Variants in TNRC6C observed in about 807,000 individuals in gnomAD.
The protein encoded by TNRC6C is trinucleotide repeat-containing gene 6C protein.
Under a neutral mutation model 153.7 loss-of-function variants are expected in TNRC6C, and 20 were observed. The observed-to-expected ratio is 0.13, with a 90% CI of 0.09 to 0.19. The LOEUF is 0.19. Ranked by LOEUF, TNRC6C falls within the 10% of genes least tolerant of loss-of-function variation. TNRC6C has a pLI of 1.00. For synonymous variants in TNRC6C, 811 were observed against 841.4 expected (o/e 0.96, Z 0.63); for missense variants, 1,987 against 2,172.0 (o/e 0.91, Z 1.69).
chr17:78,037,531 G>A (rs529853454), intron 2 of TNRC6C, among the ~76,000 whole-genome samples: 1 of 152,336 alleles, frequency 6.6e-6, no homozygotes, highest in Admixed American at 6.5e-5. Flanking sequence ...TATGAGCTGA[G>A]TTTCAAGTTA....
intron 1 of TNRC6C, among the ~76,000 whole-genome samples, chr17:77,959,766 T>C (rs762478053): frequency 9.9e-5 from 15 of 152,244 alleles, no homozygotes; most frequent in African/African-American, 2.4e-4. Context: ...CTAACGGTGC[T>C]GCGGACTGCG....
chr17:77,975,016 G>T (rs1305594907), intron 1 of TNRC6C, among the ~76,000 whole-genome samples: 1 of 151,550 alleles, frequency 6.6e-6, no homozygotes, highest in Non-Finnish European at 1.5e-5. Context: ...ATCAAAGAAA[G>T]AAATAAGCCA....
At chr17:78,067,298 A>C (rs1473683644) in intron 4 of TNRC6C, among the ~76,000 whole-genome samples, 1 of 152,188 alleles carries the variant, frequency 6.6e-6, no homozygotes, top group Non-Finnish European at 1.5e-5. Flanking sequence ...GTGAGCTGTG[A>C]TTGCACTACT....
At chr17:78,057,081 CAAAT>C (rs1010126381) in intron 3 of TNRC6C, among the ~76,000 whole-genome samples, 4 of 152,110 alleles carry the variant, frequency 2.6e-5, no homozygotes, top group Non-Finnish European at 4.4e-5. Flanking sequence ...TTAAAAGAGA[CAAAT>C]AAAAAGTTAC....
At chr17:78,063,588 C>A (rs1223990729) in intron 3 of TNRC6C, among the ~76,000 whole-genome samples, 1 of 152,072 alleles carries the variant, frequency 6.6e-6, no homozygotes, top group Non-Finnish European at 1.5e-5. Context: ...TGAAAGGGTT[C>A]CTGAAAAACC....
At chr17:78,061,713 T>C (rs940796965) in intron 3 of TNRC6C, among the ~76,000 whole-genome samples, 9 of 152,202 alleles carry the variant, frequency 5.9e-5, no homozygotes, top group African/African-American at 2.2e-4. Flanking sequence ...AATGGAAATA[T>C]TTGGTTTTTT....
At chr17:78,087,130 A>G (rs770331662) in intron 13 of TNRC6C, 37 bp downstream of exon 15, 3 of 1,604,920 alleles carry the variant, frequency 1.9e-6, no homozygotes, top group East Asian at 2.2e-5. Context: ...CACATCAGGT[A>G]GAGAGGGTAC....
chr17:77,977,535 A>G (rs2071018108), intron 1 of TNRC6C, among the ~76,000 whole-genome samples: 1 of 152,232 alleles, frequency 6.6e-6, no homozygotes, highest in African/African-American at 2.4e-5. Flanking sequence ...ACCAGCATTT[A>G]TTAAGCCCTA....
exon 3 of TNRC6C, chr17:78,050,353 C>T (rs867124430): frequency 2.5e-6 from 4 of 1,611,192 alleles, no homozygotes; most frequent in South Asian, 2.2e-5. Flanking sequence ...AGACCAAGGG[C>T]ACATCCAGTT....
chr17:78,013,453 AAACT>A (rs2071671846), intron 1 of TNRC6C, among the ~76,000 whole-genome samples: 1 of 152,208 alleles, frequency 6.6e-6, no homozygotes, highest in African/African-American at 2.4e-5. Flanking sequence ...CAGAACTTAG[AAACT>A]AACTGAGCTA....
rs571421625 is a variant in TNRC6C, at chr17:77,984,869, TAGTA to T, written c.-37-19296_-37-19293del. On this transcript the variant is annotated intron_variant, in intron 1 of 22. Coordinates refer to the TNRC6C transcript ENST00000636222. Reference sequence around the variant, plus strand: ...ACACTCTTTTAGCTTGGAGCTATTATAGTAAGTATCTACTTTCTGCATTTGCTCT... The same window carrying T: ...ACACTCTTTTAGCTTGGAGCTATTATAGTATCTACTTTCTGCATTTGCTCT... 3.3e-3 allele frequency among the ~76,000 whole-genome samples: 500 copies of T among 152,336 alleles called. 1 individual carries two copies. The highest frequency in any genetic ancestry group is 0.01 in the Middle Eastern group (3 of 294).
intron 2 of TNRC6C, among the ~76,000 whole-genome samples, chr17:78,037,447 A>G (rs111712070): frequency 0.022 from 3,380 of 152,328 alleles, 131 homozygotes; most frequent in African/African-American, 0.077. Flanking sequence ...ATAAGCATAG[A>G]GTGCCACATG....
At chr17:78,100,325 C>T (rs1218254671) in intron 17 of TNRC6C, among the ~76,000 whole-genome samples, 1 of 152,232 alleles carries the variant, frequency 6.6e-6, no homozygotes, top group Non-Finnish European at 1.5e-5. Flanking sequence ...AGCCCTGCCC[C>T]ACAGCAAAGT....
chr17:78,073,057 C>T, exon 7 of TNRC6C: 2 of 1,556,644 alleles, frequency 1.3e-6, no homozygotes, highest in Non-Finnish European at 1.7e-6. Flanking sequence ...CTGAGGAGGC[C>T]TTGAAGAGTA....
intron 1 of TNRC6C, among the ~76,000 whole-genome samples, chr17:78,006,549 CTT>C (rs1195452650): frequency 2.7e-4 from 26 of 95,094 alleles, no homozygotes; most frequent in Middle Eastern, 5.2e-3. Context: ...TCTTCTTCTT[CTT>C]CTTCTTCTTC....
In TNRC6C at chr17:77,980,576, C is replaced by CGTA. The variant is rs199901490; in HGVS notation, c.-38+21308_-38+21309insGTA. On this transcript the variant is annotated intron_variant, in intron 1 of 22. Transcript: ENST00000636222. ...TTCTGCTGTGGATATCAGGTGGGTA[C>CGTA]CCTCCAATTCCATTTCAACATTATC... Among the ~76,000 whole-genome samples the CGTA allele has an allele frequency of 3.5e-4, 53 of 152,260 alleles. No homozygotes were observed. In the East Asian group the frequency reaches 0.01, roughly 29 times the overall value.
chr17:77,990,126 C>T lies in TNRC6C; in HGVS notation c.-37-14044C>T, dbSNP rs1385155863. On this transcript the variant is annotated intron_variant, in intron 1 of 22. Coordinates refer to the TNRC6C transcript ENST00000636222. ...TCTTGACACCTCCCTCTCCCTTATA[C>T]CCATATCCAATTCATCACCCACTTC... is the stretch of plus-strand genomic sequence containing the variant. Among the ~76,000 whole-genome samples, 3 of 152,262 alleles carry T rather than the reference C, an allele frequency of 2.0e-5. No individual in the cohort carries two copies. The South Asian group carries it at 6.2e-4, about 32-fold the overall frequency.
At chr17:78,008,616 A>ATCTCGGCT in intron 1 of TNRC6C, 1 of 152,132 alleles carries the variant, frequency 6.6e-6, no homozygotes, top group Admixed American at 6.6e-5. Context: ...AGTGGGGTTG[A>ATCTCGGCT]CATCCTGCAC....
chr17:78,075,032 G>T lies in TNRC6C; in HGVS notation c.2918-104G>T. 7.2e-7 allele frequency: 1 copy of T among 1,390,102 alleles called. No individual in the cohort carries two copies. The allele number at this position is 1,390,102 out of a possible 1,614,324, so 86.1% of individuals were successfully genotyped here. Reference sequence around the variant, plus strand: ...CCCCTGGCTTCCCTGTGTTTGAAGGGGTGGAGGGTCTCCATCCCTCCTTGA... The same window carrying T: ...CCCCTGGCTTCCCTGTGTTTGAAGGTGTGGAGGGTCTCCATCCCTCCTTGA... On this transcript the variant is annotated intron_variant, in intron 7 of 19. Transcript: ENST00000301624. The surrounding 1 kb of genome is among the most constrained non-coding windows in gnomAD (Gnocchi z 4.2).
Sources: gnomAD v4.1 joint callset for allele counts (sites outside exome capture counted in the v4.1 genomes callset) on GRCh38, gnomAD v4.1.1 for gene constraint, Gnocchi (gnomAD v3.1) non-coding constraint, MANE v1.5 for transcripts, NCBI Gene and HGNC (gene_info 2026-07-23, HGNC 2026-07-21) for gene names.